Variants in SPAG7 observed in about 807,000 individuals in gnomAD.
The protein encoded by SPAG7 is sperm associated antigen 7, also known as sperm-associated antigen 7.
In SPAG7, 20 loss-of-function variants were observed where a neutral mutation model predicts 30.6. The observed-to-expected ratio is 0.65, with a 90% CI of 0.46 to 0.95. SPAG7 has a LOEUF of 0.95. SPAG7 is among the 40% of genes least tolerant of loss of function. The pLI, the probability that SPAG7 is intolerant of heterozygous loss-of-function variation, is 0.00. For missense variants in SPAG7, 276 were observed against 291.1 expected, an observed-to-expected ratio of 0.95 and a Z score of 0.38; for synonymous variants, 127 against 104.2, an observed-to-expected ratio of 1.22 and a Z score of -1.33.
rs1462187426 is a variant in SPAG7 at position 4,960,139 on chromosome 17, G to C, written c.328-28C>G. On this transcript the variant is annotated intron_variant, in intron 4 of 6. Transcript: ENST00000206020. ...GAAGAAGAGCAGAATGATGGGGTCA[G>C]AGTCCATACAAATGTTTCATTTCAT... 4 of 1,603,662 alleles carry C rather than the reference G, an allele frequency of 2.5e-6. No homozygotes were observed. In the African/African-American group the frequency reaches 4.0e-5, roughly 16 times the overall value.
At chr17:4,966,923 G>A in intron 1 of SPAG7, 5 of 985,540 alleles carry the variant, frequency 5.1e-6, no homozygotes, top group Non-Finnish European at 6.0e-6. Flanking sequence ...GCAGGTTTGG[G>A]AGTTGGGGTC....
At position 4,960,686 on chromosome 17, in the gene SPAG7, T is replaced by C. The variant is rs1028724404; in HGVS notation, c.153+100A>G. The stretch of plus-strand genomic sequence containing the variant: ...GCCACTGGCTTCCATGCGTCACCTC[T>C]CTCAAGACATTTTCAGCAAAACTGA... On this transcript the variant is annotated intron_variant, in intron 2 of 6. Transcript: ENST00000206020. 7.8e-6 allele frequency: 11 copies of C among 1,418,288 alleles called. No homozygotes were observed. In the African/African-American group the frequency reaches 1.4e-4, roughly 18 times the overall value. 87.9% of individuals were successfully genotyped at this position (1,418,288 alleles called of 1,614,324 possible). A position where few individuals can be genotyped will look rare whatever the true frequency, so the allele number is the denominator to read the frequency against.
intron 1 of SPAG7, among the ~76,000 whole-genome samples, chr17:4,964,126 T>C (rs888312306): frequency 1.3e-5 from 2 of 151,700 alleles, no homozygotes; most frequent in Admixed American, 6.6e-5. Flanking sequence ...TCCCCTCGCC[T>C]GGCTAAGGGT....
chr17:4,963,764 G>A (rs1971903175), intron 1 of SPAG7, among the ~76,000 whole-genome samples: 1 of 151,984 alleles, frequency 6.6e-6, no homozygotes, highest in Non-Finnish European at 1.5e-5. Flanking sequence ...GCTGGAAAGG[G>A]GAAATTATTT....
At chr17:4,966,780 C>CG (rs1217268495) in intron 1 of SPAG7, 2 of 985,338 alleles carry the variant, frequency 2.0e-6, no homozygotes, top group African/African-American at 3.5e-5. Context: ...TGGTCCCTAA[C>CG]GGTTGTTCAA....
Position 4,959,576 on chromosome 17 carries a change from C to T in SPAG7, c.642G>A (p.Lys214=). 1 of 1,614,092 alleles carries T rather than the reference C, an allele frequency of 6.2e-7. No homozygotes were observed. Among genetic ancestry groups the T allele is most frequent in the Non-Finnish European group, 8.5e-7 (1 of 1,180,028 alleles). Residue 214 remains lysine, a synonymous_variant, in exon 7 of 7, where the codon AAG becomes AAA. Transcript: ENST00000206020. ...EEAMNEIRAK[K]RLRQSGEELP... ...ACTCTTCCCCACTCTGCCGCAGACGCTTCTTGGCTCTGATCTCATTCATAG... is the reference window on the plus strand; with the variant it reads ...ACTCTTCCCCACTCTGCCGCAGACGTTTCTTGGCTCTGATCTCATTCATAG...
chr17:4,965,159 C>T (rs544259640), intron 1 of SPAG7, among the ~76,000 whole-genome samples: 106 of 152,268 alleles, frequency 7.0e-4, no homozygotes, highest in Admixed American at 2.7e-3. Flanking sequence ...GTGATCCGCC[C>T]GCCTCAGCCT....
Position 4,967,776 on chromosome 17 carries a change from C to T in SPAG7, c.29G>A (p.Ser10Asn). The T allele has an allele frequency of 1.9e-6, 3 of 1,614,060 alleles. No individual in the cohort carries two copies. Among genetic ancestry groups the T allele is most frequent in the Middle Eastern group, 1.6e-4 (1 of 6,062 alleles). The change falls in exon 1 of 7, where the codon AGC becomes AAC. Residue 10 changes from serine (S) to asparagine (N), a missense_variant. Transcript: ENST00000206020. The stretch of plus-strand genomic sequence containing the variant: ...GAGGCTGGGTGGCTTCTCCATGGAG[C>T]TCAGGATGGAGCCCAGTAGGTCCGC... MADLLGSIL[S>N]SMEKPPSLGD...
chr17:4,960,461 T>A lies in SPAG7; in HGVS notation c.240A>T (p.Ile80=). The change falls in exon 3 of 7, where the codon ATA becomes ATT. Residue 80 remains isoleucine, a splice_region_variant and synonymous_variant. Transcript: ENST00000206020. Reference sequence around the variant, plus strand: ...TCCCCCAGCCCAGGGACACTCACAGTATGCTCCTCTCGATCTTGTTCATTG... The same window carrying A: ...TCCCCCAGCCCAGGGACACTCACAGAATGCTCCTCTCGATCTTGTTCATTG... ...FQPMNKIERS[I]LHDVVEVAGL... The A allele has an allele frequency of 5.6e-6, 9 of 1,607,894 alleles. No homozygotes were observed. The highest frequency in any genetic ancestry group is 7.6e-6 in the Non-Finnish European group (9 of 1,177,220).
At position 4,961,005 on chromosome 17, in the gene SPAG7, TTCTA is replaced by T. The variant is rs1377627847; in HGVS notation, c.86-156_86-153del. ...TTCATCAAGCATTTATTGATGTTTA[TTCTA>T]TCTAATAGTCCCCCTTATCCACAGG... On this transcript the variant is annotated intron_variant, in intron 1 of 6. Transcript: ENST00000206020. 2.6e-5 allele frequency: 18 copies of T among 702,166 alleles called. No individual in the cohort carries two copies. In the African/African-American group the frequency reaches 3.0e-4, roughly 12 times the overall value. 43.5% of individuals were successfully genotyped at this position (702,166 alleles called of 1,614,324 possible).
chr17:4,959,530 G>T lies in SPAG7; in HGVS notation c.*4C>A. On this transcript the variant is annotated 3_prime_UTR_variant, in exon 7 of 7. Coordinates refer to ENST00000206020, the MANE Select transcript of SPAG7 (RefSeq NM_004890.3). ...CAGGGGTCAAAGGGAGCTGGGCGGG[G>T]CGCCTAGGAGGTTGGCGGCAACTCT... 6.2e-7 allele frequency: 1 copy of T among 1,610,922 alleles called. No homozygotes were observed.
chr17:4,966,682 C>G, intron 1 of SPAG7: 1 of 985,486 alleles, frequency 1.0e-6, no homozygotes, highest in Non-Finnish European at 1.2e-6. Flanking sequence ...TCTCAGAGCA[C>G]TTATCAAGTT....
At chr17:4,959,709 C>A (rs958485706) in intron 6 of SPAG7, 51 bp downstream of exon 6, 4 of 1,613,906 alleles carry the variant, frequency 2.5e-6, no homozygotes, top group Admixed American at 3.3e-5. Flanking sequence ...TGCCCTCCTG[C>A]CGCATCCTAT....
intron 1 of SPAG7, among the ~76,000 whole-genome samples, chr17:4,961,180 A>T (rs2151147428): frequency 6.6e-6 from 1 of 152,316 alleles, no homozygotes; most frequent in African/African-American, 2.4e-5. Context: ...ATAATAGACC[A>T]GGCATGGTGG....
chr17:4,964,674 C>G (rs941501743), intron 1 of SPAG7, among the ~76,000 whole-genome samples: 1 of 151,836 alleles, frequency 6.6e-6, no homozygotes, highest in Non-Finnish European at 1.5e-5. Flanking sequence ...TCCTTTACAT[C>G]TTTAAGGCCT....
chr17:4,961,616 T>C (rs1567676463), intron 1 of SPAG7, among the ~76,000 whole-genome samples: 1 of 147,316 alleles, frequency 6.8e-6, no homozygotes. Context: ...ATACAAAAAA[T>C]TAGCTGGGTG....
intron 1 of SPAG7, chr17:4,966,768 C>G (rs751295633): frequency 2.0e-6 from 2 of 985,448 alleles, no homozygotes; most frequent in South Asian, 4.7e-5. Flanking sequence ...GAGGGGTACC[C>G]CTGGTCCCTA....
intron 1 of SPAG7, chr17:4,965,831 T>C (rs1166785511): frequency 2.0e-5 from 3 of 148,682 alleles, no homozygotes; most frequent in African/African-American, 7.5e-5. Flanking sequence ...CTAATGTTTA[T>C]TTATTTATTT....
chr17:4,967,323 T>G (rs568092903), intron 1 of SPAG7: 1 of 673,832 alleles, frequency 1.5e-6, no homozygotes. Flanking sequence ...TAAGTTGAGA[T>G]AGCCAATAGA....
Sources: gnomAD v4.1 joint callset for allele counts (sites outside exome capture counted in the v4.1 genomes callset) on GRCh38, gnomAD v4.1.1 for gene constraint, MANE v1.5 for transcripts, NCBI Gene and HGNC (gene_info 2026-07-23, HGNC 2026-07-21) for gene names.